The following ATP10A variants were observed in gnomAD, a reference collection of about 807,000 sequenced individuals.
ATP10A encodes phospholipid-transporting ATPase VA.
Under a neutral mutation model 147.8 loss-of-function variants are expected in ATP10A, and 111 were observed. The observed-to-expected ratio is 0.75, with a 90% CI of 0.64 to 0.88. ATP10A has a LOEUF of 0.88. ATP10A is among the 40% of genes least tolerant of loss of function. The pLI, the probability that ATP10A is intolerant of heterozygous loss-of-function variation, is 0.00. For synonymous variants in ATP10A, 875 were observed against 841.6 expected (o/e 1.04, Z -0.69); for missense variants, 1,927 against 1,959.0 (o/e 0.98, Z 0.31).
At chr15:25,720,885 C>T (rs539958679) in intron 7 of ATP10A, among the ~76,000 whole-genome samples, 6 of 152,306 alleles carry the variant, frequency 3.9e-5, no homozygotes, top group South Asian at 2.1e-4. Flanking sequence ...TAGTCATGCC[C>T]GCTTGCGTTC....
At chr15:25,862,344 T>A (rs1004237977) in intron 1 of ATP10A, 6 of 584,164 alleles carry the variant, frequency 1.0e-5, no homozygotes, top group Non-Finnish European at 1.9e-5. Flanking sequence ...CGGCTGTGGA[T>A]GAGGATGTCC....
intron 1 of ATP10A, among the ~76,000 whole-genome samples, chr15:25,849,998 A>G (rs1312380932): frequency 1.3e-5 from 2 of 152,224 alleles, no homozygotes; most frequent in African/African-American, 4.8e-5. Context: ...ATGAAATGCC[A>G]TTACCTAGGT....
chr15:25,680,900 C>G lies in ATP10A; in HGVS notation c.3588G>C (p.Ser1196=). ...TCCCCCAGGTAAACAGGTCCACGTT[C>G]GAGTCATAGTAGGCCTGAAAGACAG... is the stretch of plus-strand genomic sequence containing the variant. ...FSIPYLAYYD[S]NVDLFTWGTP... is the part of the protein sequence containing the mutation. Residue 1196 remains serine (S), a synonymous_variant, in exon 19 of 21, where the codon TCG becomes TCC. Coordinates refer to ENST00000555815, the MANE Select transcript of ATP10A (RefSeq NM_024490.4). 2 of 1,614,094 alleles carry G rather than the reference C, an allele frequency of 1.2e-6. No homozygotes were observed. Among genetic ancestry groups the G allele is most frequent in the South Asian group, 2.2e-5 (2 of 91,074 alleles).
chr15:25,832,005 T>C (rs1194586983), intron 1 of ATP10A, among the ~76,000 whole-genome samples: 5 of 152,172 alleles, frequency 3.3e-5, no homozygotes, highest in African/African-American at 1.2e-4. Context: ...AAGGTTATAC[T>C]GGAGTATGGC....
intron 1 of ATP10A, among the ~76,000 whole-genome samples, chr15:25,816,468 A>G (rs546240831): frequency 6.6e-6 from 1 of 152,356 alleles, no homozygotes; most frequent in South Asian, 2.1e-4. Context: ...TTGGTTCTAC[A>G]TATGATATAA....
At position 25,708,046 on chromosome 15, in the gene ATP10A, G is replaced by C. The variant is rs561896517; in HGVS notation, c.2505C>G (p.Ser835=). 4.3e-6 allele frequency: 7 copies of C among 1,614,164 alleles called. No homozygotes were observed. In the South Asian group the frequency reaches 7.7e-5, roughly 18 times the overall value. ...GGAGCTCCTCGCTGTTTTCCAGGGA[G>C]GATTCGGCTTCTAGGTGGCTTTGCA... ...CWLQSHLEAE[S]SLENSEELLF... Residue 835 remains serine (S), a synonymous_variant, in exon 12 of 21, where the codon TCC becomes TCG. Coordinates refer to ENST00000555815, the MANE Select transcript of ATP10A (RefSeq NM_024490.4).
chr15:25,681,127 T>C, intron 17 of ATP10A, 53 bp from the exon 18 acceptor site: 2 of 1,550,784 alleles, frequency 1.3e-6, no homozygotes, highest in Middle Eastern at 1.7e-4. Flanking sequence ...GCATCCTCTG[T>C]GAAAGCAGTT....
At position 25,694,961 on chromosome 15, in the gene ATP10A, A is replaced by G. The variant is rs772399553; in HGVS notation, c.2946T>C (p.Ala982=). Residue 982 remains alanine (A), a synonymous_variant, in exon 14 of 21, where the codon GCT becomes GCC. Transcript: ENST00000555815. ...ATTTGTCCTCCAGGTTTTTCTCGAG[A>G]GCGTAGGCCAGGCTTCTCCCATCGA... is the stretch of plus-strand genomic sequence containing the variant. ...LVIDGRSLAY[A]LEKNLEDKFL... 3 of 1,614,082 alleles carry G rather than the reference A, an allele frequency of 1.9e-6. No homozygotes were observed. Among genetic ancestry groups the G allele is most frequent in the Non-Finnish European group, 2.5e-6 (3 of 1,180,028 alleles).
chr15:25,809,997 G>A (rs1481682130), intron 1 of ATP10A, among the ~76,000 whole-genome samples: 6 of 143,138 alleles, frequency 4.2e-5, no homozygotes, highest in Non-Finnish European at 6.1e-5. Context: ...CCATCCAAAC[G>A]GGAAGAAGGT....
Position 25,712,126 on chromosome 15 carries a change from C to T in ATP10A, c.2344+1548G>A, listed in dbSNP as rs138302622. ...AGTGAGCAGGTCGTGACGCTAAATT[C>T]ATTCAATTGAAAGGCATCCAGTTTT... On this transcript the variant is annotated intron_variant, in intron 10 of 20. Transcript: ENST00000555815. 4.2e-3 allele frequency among the ~76,000 whole-genome samples: 643 copies of T among 152,292 alleles called. 4 individuals carry two copies. Among genetic ancestry groups the T allele is most frequent in the African/African-American group, 0.015 (619 of 41,554 alleles).
At chr15:25,717,048 A>C (rs906800952) in intron 8 of ATP10A, 124 bp from the exon 9 acceptor site, 37 of 567,614 alleles carry the variant, frequency 6.5e-5, no homozygotes, top group Non-Finnish European at 7.6e-5. Context: ...TCTCATATAC[A>C]TATATGTCAT....
chr15:25,794,609 C>G (rs1890578792), intron 1 of ATP10A, among the ~76,000 whole-genome samples: 1 of 152,178 alleles, frequency 6.6e-6, no homozygotes, highest in African/African-American at 2.4e-5. Flanking sequence ...TGACCTAAGA[C>G]ACCTTTGTGA....
chr15:25,795,127 GGTTACAACTGGCTAT>G, intron 1 of ATP10A, among the ~76,000 whole-genome samples: 1 of 152,162 alleles, frequency 6.6e-6, no homozygotes. Context: ...AAATTGTGTA[GGTTACAACTGGCTAT>G]ATCCCAGGTA....
intron 15 of ATP10A, among the ~76,000 whole-genome samples, chr15:25,691,441 C>T (rs1900029949): frequency 6.6e-6 from 1 of 152,196 alleles, no homozygotes; most frequent in South Asian, 2.1e-4. Context: ...GATGACTCAC[C>T]TTGCCTCTCT....
intron 9 of ATP10A, among the ~76,000 whole-genome samples, chr15:25,715,880 CCATTCAA>C (rs1004917299): frequency 1.3e-5 from 2 of 152,168 alleles, no homozygotes; most frequent in African/African-American, 4.8e-5. Flanking sequence ...CACACCTACC[CCATTCAA>C]CATTCAAAAC....
rs1424646706 is a variant in ATP10A at position 25,811,446 on chromosome 15, C to A, written c.450-30223G>T. On this transcript the variant is annotated intron_variant, in intron 1 of 20. Coordinates refer to ENST00000555815, the MANE Select transcript of ATP10A (RefSeq NM_024490.4). ...AAGAAGTAAGGATGAGGAGACAAAA[C>A]AAATGGCATGGAACATGCTAGAAGC... 5.9e-5 allele frequency among the ~76,000 whole-genome samples: 9 copies of A among 152,172 alleles called. No individual in the cohort carries two copies. The East Asian group carries it at 1.5e-3, about 26-fold the overall frequency.
intron 1 of ATP10A, among the ~76,000 whole-genome samples, chr15:25,785,632 T>C (rs1423245619): frequency 6.6e-6 from 1 of 152,176 alleles, no homozygotes; most frequent in Admixed American, 6.5e-5. Flanking sequence ...TTTATCCCCA[T>C]GCACAGGTTC....
chr15:25,731,789 A>G (rs1365530591), intron 3 of ATP10A, among the ~76,000 whole-genome samples: 1 of 152,134 alleles, frequency 6.6e-6, no homozygotes, highest in Non-Finnish European at 1.5e-5. Flanking sequence ...TCCTAGCACT[A>G]TTTTTCTGCC....
At chr15:25,696,569 G>T (rs1042148163) in intron 13 of ATP10A, among the ~76,000 whole-genome samples, 2 of 152,218 alleles carry the variant, frequency 1.3e-5, no homozygotes, top group African/African-American at 4.8e-5. Flanking sequence ...CTCTGAGAGG[G>T]AGTAGCAGCC....
Sources: allele counts gnomAD v4.1 joint callset (sites outside exome capture counted in the v4.1 genomes callset), GRCh38; gene constraint gnomAD v4.1.1; transcripts MANE v1.5; gene names NCBI Gene and HGNC (gene_info 2026-07-23, HGNC 2026-07-21).